Variants in TUSC3 observed in about 807,000 individuals in gnomAD.
The protein encoded by TUSC3 is tumor suppressor candidate 3, also known as dolichyl-diphosphooligosaccharide--protein glycosyltransferase subunit TUSC3.
Under a neutral mutation model 44.8 loss-of-function variants are expected in TUSC3, and 45 were observed. The observed-to-expected ratio is 1.00, with a 90% confidence interval of 0.79 to 1.29. The LOEUF is 1.29. Among genes scored for constraint, TUSC3 ranks in the 50% most tolerant of loss-of-function variants. The pLI, the probability that TUSC3 is intolerant of heterozygous loss-of-function variation, is 0.00. For missense variants in TUSC3, 519 were observed against 437.9 expected, an observed-to-expected ratio of 1.19 and a Z score of -1.65; for synonymous variants, 212 against 152.9, an observed-to-expected ratio of 1.39 and a Z score of -2.85.
the TUSC3 span, among the ~76,000 whole-genome samples, chr8:15,844,096 T>G: frequency 6.6e-6 from 1 of 152,144 alleles, no homozygotes; most frequent in East Asian, 1.9e-4. Context: ...AATGGTCCTG[T>G]CCCCTTGTTT....
chr8:15,684,948 C>T (rs1344627577), intron 6 of TUSC3, among the ~76,000 whole-genome samples: 3 of 152,144 alleles, frequency 2.0e-5, no homozygotes, highest in Non-Finnish European at 2.9e-5. Context: ...TTAGGAGGGG[C>T]CACGGGGTTA....
chr8:15,434,410 C>T (rs938889459), intron 1 of TUSC3, among the ~76,000 whole-genome samples: 7 of 152,018 alleles, frequency 4.6e-5, no homozygotes, highest in African/African-American at 1.4e-4. Context: ...CAAAATCTTC[C>T]AGATTGTGAC....
chr8:15,523,065 C>G (rs765635039), intron 2 of TUSC3, among the ~76,000 whole-genome samples: 24 of 152,114 alleles, frequency 1.6e-4, no homozygotes, highest in Admixed American at 1.3e-4. Context: ...CCAGGCTGTT[C>G]CATCACAAGT....
intron 1 of TUSC3, among the ~76,000 whole-genome samples, chr8:15,444,714 C>G (rs1008259194): frequency 6.6e-6 from 1 of 152,152 alleles, no homozygotes; most frequent in Non-Finnish European, 1.5e-5. Context: ...TTGTCAGTAT[C>G]TCCCAAGTAT....
chr8:15,810,458 G>C, the TUSC3 span, among the ~76,000 whole-genome samples: 2 of 152,092 alleles, frequency 1.3e-5, no homozygotes, highest in African/African-American at 2.4e-5. Flanking sequence ...GGCAACATAG[G>C]GAGATGTACT....
At chr8:15,699,714 G>C (rs1402111684) in intron 6 of TUSC3, among the ~76,000 whole-genome samples, 1 of 152,158 alleles carries the variant, frequency 6.6e-6, no homozygotes, top group Non-Finnish European at 1.5e-5. Flanking sequence ...ATACTTTGTT[G>C]CTTGTTAGAT....
chr8:15,513,415 T>C (rs1801170180), intron 2 of TUSC3, among the ~76,000 whole-genome samples: 1 of 152,288 alleles, frequency 6.6e-6, no homozygotes, highest in East Asian at 1.9e-4. Flanking sequence ...TGGATATAAA[T>C]TGAGAACTGC....
chr8:15,720,020 G>GTGA (rs1810234239), intron 6 of TUSC3, among the ~76,000 whole-genome samples: 1 of 152,050 alleles, frequency 6.6e-6, no homozygotes, highest in African/African-American at 2.4e-5. Flanking sequence ...CTGGGCTTAA[G>GTGA]TGATCCTCCT....
At chr8:15,721,605 T>A (rs1298924208) in intron 6 of TUSC3, among the ~76,000 whole-genome samples, 2 of 151,754 alleles carry the variant, frequency 1.3e-5, no homozygotes, top group African/African-American at 4.8e-5. Context: ...AAGGATGTAA[T>A]ACTTTTTCAT....
upstream of TUSC3, among the ~76,000 whole-genome samples, chr8:15,537,512 A>G (rs796649939): frequency 6.6e-6 from 1 of 152,198 alleles, no homozygotes; most frequent in African/African-American, 2.4e-5. Flanking sequence ...AATCTCTTCA[A>G]ACATTTTACA....
At chr8:15,807,099 T>C in the TUSC3 span, 1 of 1,301,728 alleles carries the variant, frequency 7.7e-7, no homozygotes, top group East Asian at 2.3e-5. Context: ...AGAACCAGGA[T>C]GCCCGTTATA....
intron 6 of TUSC3, among the ~76,000 whole-genome samples, chr8:15,678,769 GCCTCCTTCCCT>G (rs1429207366): frequency 6.6e-6 from 1 of 152,030 alleles, no homozygotes; most frequent in African/African-American, 2.4e-5. Flanking sequence ...TCAGCTTTTG[GCCTCCTTCCCT>G]CACTCCCTCT....
chr8:15,848,545 C>A, the TUSC3 span, among the ~76,000 whole-genome samples: 2 of 152,186 alleles, frequency 1.3e-5, no homozygotes, highest in Middle Eastern at 3.4e-3. Flanking sequence ...AGCTGGGGAA[C>A]TGTTCCCTGC....
intron 1 of TUSC3, among the ~76,000 whole-genome samples, chr8:15,547,507 A>G (rs1190363252): frequency 1.3e-5 from 2 of 151,664 alleles, no homozygotes; most frequent in African/African-American, 4.8e-5. Context: ...GTGGTCGATA[A>G]TAAGGCTTAA....
Position 15,659,493 on chromosome 8 carries a change from C to T in TUSC3, c.427-14C>T, listed in dbSNP as rs370586836. On this transcript the variant is annotated splice_polypyrimidine_tract_variant and intron_variant, in intron 3 of 10. Transcript: ENST00000503731. ...ATGATCCTATATTTAGTATTTTTTT[C>T]TCATGTTTTACAGCTCAACATGAAC... 1.2e-6 allele frequency: 2 copies of T among 1,610,020 alleles called. No individual in the cohort carries two copies. Among genetic ancestry groups the T allele is most frequent in the South Asian group, 1.1e-5 (1 of 90,984 alleles).
intron 1 of TUSC3, among the ~76,000 whole-genome samples, chr8:15,586,588 C>A (rs1286302610): frequency 6.6e-6 from 1 of 152,078 alleles, no homozygotes; most frequent in Non-Finnish European, 1.5e-5. Context: ...ATCAGGAGCG[C>A]TAGAGGTAAA....
At chr8:15,457,594 A>T (rs1002991259) in intron 1 of TUSC3, among the ~76,000 whole-genome samples, 6 of 150,828 alleles carry the variant, frequency 4.0e-5, no homozygotes, top group Admixed American at 6.6e-5. Context: ...AATGTATTAC[A>T]GTGTTCATAG....
chr8:15,614,979 G>A (rs778235015), intron 1 of TUSC3, among the ~76,000 whole-genome samples: 17 of 148,488 alleles, frequency 1.1e-4, no homozygotes, highest in Non-Finnish European at 1.5e-4. Context: ...AAAAGGACGC[G>A]TAGTAAAGGG....
chr8:15,629,438 T>A (rs1044010334), intron 2 of TUSC3, among the ~76,000 whole-genome samples: 1 of 152,086 alleles, frequency 6.6e-6, no homozygotes, highest in African/African-American at 2.4e-5. Flanking sequence ...AAGAGGAGTT[T>A]CTACAAATAT....
Sources: gnomAD v4.1 joint callset for allele counts (sites outside exome capture counted in the v4.1 genomes callset) on GRCh38, gnomAD v4.1.1 for gene constraint, MANE v1.5 for transcripts, NCBI Gene and HGNC (gene_info 2026-07-23, HGNC 2026-07-21) for gene names.